Variants in KREMEN1 observed in about 807,000 individuals in gnomAD.
KREMEN1 encodes kremen protein 1.
Under a neutral mutation model 46.5 loss-of-function variants are expected in KREMEN1, and 30 were observed. The observed-to-expected ratio is 0.65, with a 90% CI of 0.48 to 0.88. KREMEN1 has a LOEUF of 0.88. Ranked by LOEUF, KREMEN1 falls within the 40% of genes least tolerant of loss-of-function variation. KREMEN1 has a pLI of 0.00. For synonymous variants in KREMEN1, 214 were observed against 230.6 expected (o/e 0.93, Z 0.65); for missense variants, 533 against 596.9 (o/e 0.89, Z 1.11).
chr22:29,077,896 A>G (rs134602), intron 1 of KREMEN1, among the ~76,000 whole-genome samples: 97,648 of 152,058 alleles, frequency 0.64, 31,566 homozygotes, highest in Middle Eastern at 0.78. Flanking sequence ...ATATTTTACT[A>G]CAATTTTTTT....
intron 9 of KREMEN1, among the ~76,000 whole-genome samples, chr22:29,155,585 ATATATT>A (rs1378335185): frequency 1.3e-5 from 2 of 152,112 alleles, no homozygotes; most frequent in African/African-American, 4.8e-5. Flanking sequence ...ATTTTATTTG[ATATATT>A]TATATGTGGC....
intron 3 of KREMEN1, among the ~76,000 whole-genome samples, chr22:29,100,162 A>G (rs1038643300): frequency 2.7e-5 from 4 of 148,450 alleles, no homozygotes; most frequent in African/African-American, 5.0e-5. Context: ...TGCCATCTCA[A>G]CTCACTGCAA....
chr22:29,094,611 ACAC>A lies in KREMEN1; in HGVS notation c.260+192_260+194del, dbSNP rs1569316114. ...CACACACACACACACACACACACAC[ACAC>A]AATTTACCACTCTTTTTTTTTTTTT... On this transcript the variant is annotated intron_variant, in intron 2 of 8. Coordinates refer to ENST00000400335, the MANE Select transcript of KREMEN1 (RefSeq NM_001039570.3). Among the ~76,000 whole-genome samples the A allele has an allele frequency of 2.2e-4, 22 of 99,722 alleles. 1 individual carries two copies. Among genetic ancestry groups the A allele is most frequent in the African/African-American group, 8.6e-4 (22 of 25,458 alleles). The allele number at this position is 99,722 out of a possible 152,430, so 65.4% of individuals were successfully genotyped here.
chr22:29,112,049 A>G (rs1259714905), intron 3 of KREMEN1, among the ~76,000 whole-genome samples: 1 of 152,134 alleles, frequency 6.6e-6, no homozygotes, highest in African/African-American at 2.4e-5. Context: ...GACTTTCACT[A>G]TCTGTCTCTG....
chr22:29,127,858 A>C (rs2038471121), intron 5 of KREMEN1, among the ~76,000 whole-genome samples: 1 of 152,224 alleles, frequency 6.6e-6, no homozygotes, highest in African/African-American at 2.4e-5. Context: ...TGATGAATGG[A>C]TAAACAAAGT....
At chr22:29,163,911 A>T (rs2039032526) in intron 9 of KREMEN1, among the ~76,000 whole-genome samples, 2 of 152,046 alleles carry the variant, frequency 1.3e-5, no homozygotes, top group Non-Finnish European at 2.9e-5. Context: ...TGTACGCCCT[A>T]CATCTAAAAT....
intron 3 of KREMEN1, among the ~76,000 whole-genome samples, chr22:29,117,718 A>G (rs2038265193): frequency 6.6e-6 from 1 of 152,354 alleles, no homozygotes; most frequent in Non-Finnish European, 1.5e-5. Context: ...TGAGGAACAA[A>G]TGGAGAAAGG....
chr22:29,131,655 T>C (rs1339126464), intron 5 of KREMEN1, among the ~76,000 whole-genome samples: 11 of 97,488 alleles, frequency 1.1e-4, no homozygotes, highest in East Asian at 2.5e-4. Context: ...TATATATATG[T>C]ATATATATAC....
intron 4 of KREMEN1, among the ~76,000 whole-genome samples, chr22:29,123,249 A>T (rs2038387578): frequency 6.6e-6 from 1 of 151,990 alleles, no homozygotes; most frequent in African/African-American, 2.4e-5. Flanking sequence ...TCTGTGAAAG[A>T]TATTTTTAAC....
intron 9 of KREMEN1, among the ~76,000 whole-genome samples, chr22:29,159,124 GTTTT>G (rs1162443966): frequency 5.7e-5 from 2 of 35,328 alleles, no homozygotes. Flanking sequence ...CCAGCCAAGT[GTTTT>G]TTTTTTTTTT....
chr22:29,118,154 T>C (rs2038274203), intron 3 of KREMEN1, among the ~76,000 whole-genome samples: 1 of 152,252 alleles, frequency 6.6e-6, no homozygotes, highest in Admixed American at 6.5e-5. Context: ...GGATGTTGGC[T>C]GAAGTCCACC....
rs533068812 is a variant in KREMEN1, at chr22:29,164,906, A to G, written c.1417-2138A>G. On this transcript the variant is annotated intron_variant, in intron 9 of 9. Coordinates refer to the KREMEN1 transcript ENST00000327813. ...GGCCAGGAGTTTGGCCAGGCATGGT[A>G]GCTCAGGCCTCTAATCCCAGCACTT... 1.9e-3 allele frequency among the ~76,000 whole-genome samples: 283 copies of G among 152,048 alleles called. 1 individual carries two copies. Among genetic ancestry groups the G allele is most frequent in the African/African-American group, 6.4e-3 (266 of 41,480 alleles).
At chr22:29,155,203 A>G (rs1442601046) in intron 9 of KREMEN1, among the ~76,000 whole-genome samples, 1 of 152,150 alleles carries the variant, frequency 6.6e-6, no homozygotes, top group Non-Finnish European at 1.5e-5. Flanking sequence ...TTCTGTGCCT[A>G]ACTCTTATTG....
intron 1 of KREMEN1, among the ~76,000 whole-genome samples, chr22:29,089,039 G>C (rs1178023297): frequency 6.6e-6 from 1 of 152,190 alleles, no homozygotes; most frequent in East Asian, 1.9e-4. Flanking sequence ...GCCAAGTGTG[G>C]TATGTTGGAG....
chr22:29,157,322 G>A lies in KREMEN1; in HGVS notation c.1417-9722G>A, dbSNP rs1308882404. ...CCAGAGAGCAGAATTCGTGTCCAAG[G>A]CCCCACCATGACTTTGTTTTTCGTT... On this transcript the variant is annotated intron_variant, in intron 9 of 9. Transcript: ENST00000327813. Among the ~76,000 whole-genome samples, 3 of 152,052 alleles carry A rather than the reference G, an allele frequency of 2.0e-5. No individual in the cohort carries two copies. The South Asian group carries it at 6.2e-4, about 32-fold the overall frequency.
intron 1 of KREMEN1, among the ~76,000 whole-genome samples, chr22:29,082,965 T>TCTCA (rs2037678407): frequency 6.6e-6 from 1 of 152,160 alleles, no homozygotes; most frequent in Non-Finnish European, 1.5e-5. Flanking sequence ...TGAGACAAGG[T>TCTCA]CTCACTCTGT....
At chr22:29,121,609 A>C (rs995230542) in intron 4 of KREMEN1, 128 bp downstream of exon 4, 1 of 1,050,790 alleles carries the variant, frequency 9.5e-7, no homozygotes, top group Non-Finnish European at 1.4e-6. Context: ...GTATGATTCC[A>C]CTTACATGAA....
At chr22:29,159,551 G>A (rs992197392) in intron 9 of KREMEN1, among the ~76,000 whole-genome samples, 16 of 152,056 alleles carry the variant, frequency 1.1e-4, no homozygotes, top group Non-Finnish European at 2.1e-4. Flanking sequence ...CCCAGGAGAC[G>A]GAGGTTGCAG....
At chr22:29,115,665 A>G (rs571960002) in intron 3 of KREMEN1, among the ~76,000 whole-genome samples, 1 of 152,322 alleles carries the variant, frequency 6.6e-6, no homozygotes, top group South Asian at 2.1e-4. Context: ...AATCAAACTC[A>G]GCATAGACTG....
Sources: allele counts gnomAD v4.1 joint callset (sites outside exome capture counted in the v4.1 genomes callset), GRCh38; gene constraint gnomAD v4.1.1; transcripts MANE v1.5; gene names NCBI Gene and HGNC (gene_info 2026-07-23, HGNC 2026-07-21).